The following FMN1 variants were observed in gnomAD, a reference collection of about 807,000 sequenced individuals.
The protein encoded by FMN1 is formin 1, also known as formin-1.
Under a neutral mutation model 132.4 loss-of-function variants are expected in FMN1, and 110 were observed. The ratio of observed to expected loss-of-function variants is 0.83; its 90% CI spans 0.71 to 0.97. The LOEUF is 0.97. Ranked by LOEUF, FMN1 falls within the 50% of genes least tolerant of loss-of-function variation. The pLI is 0.00. For synonymous variants in FMN1, 722 were observed against 651.7 expected (o/e 1.11, Z -1.64); for missense variants, 1,792 against 1,705.3 (o/e 1.05, Z -0.90).
At chr15:33,032,820 C>T (rs1186260667) in intron 6 of FMN1, among the ~76,000 whole-genome samples, 10 of 151,944 alleles carry the variant, frequency 6.6e-5, no homozygotes, top group Admixed American at 4.6e-4. Context: ...TCCTAGCTAC[C>T]ATTTACAAGC....
chr15:32,881,301 G>A (rs758201173), intron 16 of FMN1, among the ~76,000 whole-genome samples: 5 of 152,140 alleles, frequency 3.3e-5, no homozygotes, highest in Non-Finnish European at 7.4e-5. Flanking sequence ...TATAGTAAAA[G>A]TTGGATTGCT....
At chr15:33,174,033 C>A (rs1050090822) in intron 3 of FMN1, among the ~76,000 whole-genome samples, 16 of 151,858 alleles carry the variant, frequency 1.1e-4, no homozygotes, top group Middle Eastern at 3.2e-3. Context: ...AACTAAGGTT[C>A]AATATAATAT....
chr15:32,927,801 C>G (rs942062628), intron 9 of FMN1, among the ~76,000 whole-genome samples: 4 of 152,176 alleles, frequency 2.6e-5, no homozygotes, highest in African/African-American at 9.7e-5. Context: ...GAAGCACCCA[C>G]AAAACACAAA....
At chr15:32,968,446 C>T (rs1390410153) in intron 8 of FMN1, among the ~76,000 whole-genome samples, 2 of 152,090 alleles carry the variant, frequency 1.3e-5, no homozygotes, top group East Asian at 3.9e-4. Context: ...GGACTCTTGT[C>T]TAGTCTGTAA....
chr15:33,173,078 A>G (rs1179391675), intron 3 of FMN1, among the ~76,000 whole-genome samples: 3 of 152,164 alleles, frequency 2.0e-5, no homozygotes, highest in Non-Finnish European at 2.9e-5. Context: ...AAGTTGTTGT[A>G]TATCATGGTG....
intron 14 of FMN1, 171 bp downstream of exon 14, chr15:32,899,808 T>A (rs1596223344): frequency 1.5e-6 from 1 of 678,766 alleles, no homozygotes; most frequent in African/African-American, 1.9e-5. Context: ...CAAACAAAAC[T>A]CTTTATTCGA....
chr15:32,875,411 T>A (rs958979652), intron 16 of FMN1, among the ~76,000 whole-genome samples: 1 of 152,136 alleles, frequency 6.6e-6, no homozygotes, highest in African/African-American at 2.4e-5. Flanking sequence ...GCTAAAAAAA[T>A]CACCAAGTGC....
At position 33,086,376 on chromosome 15, in the gene FMN1, T is replaced by G. The variant is rs145824176; in HGVS notation, c.2043+2423A>C. 3.9e-3 allele frequency among the ~76,000 whole-genome samples: 414 copies of G among 107,000 alleles called. 1 individual carries two copies. The highest frequency in any genetic ancestry group is 0.015 in the African/African-American group (400 of 27,570). The allele number at this position is 107,000 out of a possible 152,430, so 70.2% of individuals were successfully genotyped here. A position where few individuals can be genotyped will look rare whatever the true frequency, so the allele number is the denominator to read the frequency against. On this transcript the variant is annotated intron_variant, in intron 5 of 20. Transcript: ENST00000616417. ...TTAGTGAAAAAATACAAAAAAAAAT[T>G]TATCAAATTGTACAGTCGTCTCAGC...
chr15:33,139,368 G>A lies in FMN1; in HGVS notation c.1867+13680C>T, dbSNP rs545692336. On this transcript the variant is annotated intron_variant, in intron 4 of 20. Transcript: ENST00000616417. ...TCTCAGCACTTTGGGAGGCCGAGGC[G>A]GGCGGATCACAAGGTCAGGAGATCC... is the stretch of plus-strand genomic sequence containing the variant. Among the ~76,000 whole-genome samples, 200 of 152,274 alleles carry A rather than the reference G, an allele frequency of 1.3e-3. 1 individual carries two copies. Among genetic ancestry groups the A allele is most frequent in the African/African-American group, 4.4e-3 (184 of 41,554 alleles).
At chr15:33,092,225 T>C (rs1433508953) in intron 4 of FMN1, among the ~76,000 whole-genome samples, 1 of 152,222 alleles carries the variant, frequency 6.6e-6, no homozygotes, top group African/African-American at 2.4e-5. Flanking sequence ...GACTGAGGTT[T>C]TGCTGTCAAT....
intron 19 of FMN1, among the ~76,000 whole-genome samples, chr15:32,785,161 CGTGTGT>C (rs1178285469): frequency 0.11 from 5,367 of 50,210 alleles, 448 homozygotes; most frequent in African/African-American, 0.16. Flanking sequence ...TGTATACGTA[CGTGTGT>C]GTGTGTGTGT....
At chr15:33,098,942 A>G (rs79408132) in intron 4 of FMN1, among the ~76,000 whole-genome samples, 8,893 of 151,588 alleles carry the variant, frequency 0.059, 851 homozygotes, top group African/African-American at 0.21. Context: ...TTCAATCTCC[A>G]CACAATCTCT....
chr15:33,015,491 C>CACAT (rs2034989278), intron 6 of FMN1, among the ~76,000 whole-genome samples: 1 of 152,110 alleles, frequency 6.6e-6, no homozygotes, highest in African/African-American at 2.4e-5. Flanking sequence ...CTCTTTCTTA[C>CACAT]ACATATATCC....
At position 32,777,510 on chromosome 15, in the gene FMN1, C is replaced by CGTATAATATA. The variant is rs1567149264; in HGVS notation, c.4131-592_4131-591insTATATTATAC. Among the ~76,000 whole-genome samples, 107 of 90,544 alleles carry CGTATAATATA rather than the reference C, an allele frequency of 1.2e-3. 20 individuals are homozygous for CGTATAATATA. The highest frequency in any genetic ancestry group is 3.4e-3 in the African/African-American group (103 of 29,896). The allele number at this position is 90,544 out of a possible 152,430, so 59.4% of individuals were successfully genotyped here. A position where few individuals can be genotyped will look rare whatever the true frequency, so the allele number is the denominator to read the frequency against. ...TTTATATATTACGTATAACATATAA[C>CGTATAATATA]ACATTTATATATTACGTATAACATA... On this transcript the variant is annotated intron_variant, in intron 19 of 20. Coordinates refer to ENST00000616417, the MANE Select transcript of FMN1 (RefSeq NM_001277313.2).
At chr15:32,798,741 G>A (rs2057376287) in intron 19 of FMN1, 63 bp downstream of exon 19, 1 of 1,387,586 alleles carries the variant, frequency 7.2e-7, no homozygotes, top group Middle Eastern at 1.9e-4. Context: ...CACTTTGATA[G>A]GTTTAAGAGT....
chr15:33,154,144 G>C lies in FMN1; in HGVS notation c.771C>G (p.Phe257Leu), dbSNP rs1027731938. 6.5e-7 allele frequency: 1 copy of C among 1,536,372 alleles called. No individual in the cohort carries two copies. The highest frequency in any genetic ancestry group is 2.4e-5 in the East Asian group (1 of 40,894). Residue 257 changes from phenylalanine (F) to leucine (L), a missense_variant, in exon 4 of 21, where the codon TTC becomes TTG. By Grantham distance (22) the Phe-to-Leu change is conservative (BLOSUM62 0). Coordinates refer to ENST00000616417, the MANE Select transcript of FMN1 (RefSeq NM_001277313.2). Reference protein sequence around the residue: ...DLGFGSFETAFKDTGLGREVL... With the variant: ...DLGFGSFETALKDTGLGREVL... ...CTTCTCTTCCAAGCCCAGTGTCCTTGAAAGCCGTCTCAAAGCTCCCAAAGC... is the reference window on the plus strand; with the variant it reads ...CTTCTCTTCCAAGCCCAGTGTCCTTCAAAGCCGTCTCAAAGCTCCCAAAGC...
At chr15:32,902,585 C>T (rs1485789344) in intron 12 of FMN1, among the ~76,000 whole-genome samples, 1 of 152,178 alleles carries the variant, frequency 6.6e-6, no homozygotes, top group Non-Finnish European at 1.5e-5. Flanking sequence ...TATTTGTTTA[C>T]TTTTTCACAT....
chr15:33,043,883 G>GC (rs1223709593), intron 6 of FMN1, among the ~76,000 whole-genome samples: 1 of 152,046 alleles, frequency 6.6e-6, no homozygotes, highest in Non-Finnish European at 1.5e-5. Flanking sequence ...CAAAAGCCCC[G>GC]CCCTCCTGGG....
chr15:33,117,453 CTTATT>C (rs1172644232), intron 4 of FMN1, among the ~76,000 whole-genome samples: 1 of 152,154 alleles, frequency 6.6e-6, no homozygotes, highest in Non-Finnish European at 1.5e-5. Flanking sequence ...TCGGCGTTTT[CTTATT>C]TAACTGGCAT....
Sources: allele counts gnomAD v4.1 joint callset (sites outside exome capture counted in the v4.1 genomes callset), GRCh38; gene constraint gnomAD v4.1.1; transcripts MANE v1.5; gene names NCBI Gene and HGNC (gene_info 2026-07-23, HGNC 2026-07-21).